Variants in SORBS2 observed in about 807,000 individuals in gnomAD.
SORBS2 encodes sorbin and SH3 domain-containing protein 2.
A neutral mutation model predicts 97.7 loss-of-function variants in SORBS2; 46 were observed. The observed-to-expected ratio is 0.47, with a 90% CI of 0.37 to 0.60. SORBS2 has a LOEUF of 0.60. Ranked by LOEUF, SORBS2 falls within the 20% of genes least tolerant of loss-of-function variation. The probability of loss-of-function intolerance (pLI) is 0.00; values close to 1 mark genes in which losing one functional copy is unlikely to be tolerated. For synonymous variants in SORBS2, 476 were observed against 473.4 expected (o/e 1.01, Z -0.07); for missense variants, 1,316 against 1,282.3 (o/e 1.03, Z -0.40).
intron 2 of SORBS2, among the ~76,000 whole-genome samples, chr4:185,769,769 C>T (rs1198669904): frequency 2.0e-5 from 3 of 152,160 alleles, no homozygotes; most frequent in Admixed American, 6.5e-5. Flanking sequence ...GGATTGTAGG[C>T]GTGAGCCACT....
Position 185,709,320 on chromosome 4 carries a change from T to TTTTTTTTTTTTTTTTTTTTTTTC in SORBS2, c.-197-30499_-197-30498insGAAAAAAAAAAAAAAAAAAAAAA, listed in dbSNP as rs1181008953. 1.1e-4 allele frequency among the ~76,000 whole-genome samples: 16 copies of TTTTTTTTTTTTTTTTTTTTTTTC among 140,974 alleles called. 2 individuals are homozygous for TTTTTTTTTTTTTTTTTTTTTTTC. The highest frequency in any genetic ancestry group is 4.2e-4 in the African/African-American group (16 of 37,722). 92.5% of individuals were successfully genotyped at this position (140,974 alleles called of 152,430 possible). On this transcript the variant is annotated intron_variant, in intron 2 of 20. Transcript: ENST00000284776. The stretch of plus-strand genomic sequence containing the variant: ...TGGCCAAATCTTTTTTTTTTTTTTT[T>TTTTTTTTTTTTTTTTTTTTTTTC]TTTTAGTAAAAGGAAACTAAAGTTA...
At chr4:185,769,965 T>TA (rs113489037) in intron 2 of SORBS2, among the ~76,000 whole-genome samples, 116,828 of 151,744 alleles carry the variant, frequency 0.77, 45,354 homozygotes, top group African/African-American at 0.85. Context: ...GTGTTTGGAG[T>TA]AAAGGGCACT....
In SORBS2 at chr4:185,853,601, T is replaced by C. The variant is rs1335720817; in HGVS notation, c.-337-78235A>G. On this transcript the variant is annotated intron_variant, in intron 1 of 20. Coordinates refer to the SORBS2 transcript ENST00000284776. ...GGGGAGAAATATGCAAACTTATTTTTAATGTGAGCTATAAGTGCAAACTTT... is the reference window on the plus strand; with the variant it reads ...GGGGAGAAATATGCAAACTTATTTTCAATGTGAGCTATAAGTGCAAACTTT... 9.9e-5 allele frequency among the ~76,000 whole-genome samples: 15 copies of C among 152,228 alleles called. 1 individual carries two copies. Among genetic ancestry groups the C allele is most frequent in the Admixed American group, 7.9e-4 (12 of 15,282 alleles).
intron 4 of SORBS2, among the ~76,000 whole-genome samples, chr4:185,670,017 T>G (rs563065004): frequency 4.6e-5 from 7 of 151,926 alleles, no homozygotes; most frequent in African/African-American, 9.7e-5. Flanking sequence ...TCAGGAGTTC[T>G]AGACCAGCCT....
intron 4 of SORBS2, among the ~76,000 whole-genome samples, chr4:185,642,861 G>A (rs2097148945): frequency 6.6e-6 from 1 of 152,188 alleles, no homozygotes; most frequent in Non-Finnish European, 1.5e-5. Flanking sequence ...ACCCCTCCAA[G>A]AATGTTTTGA....
intron 1 of SORBS2, among the ~76,000 whole-genome samples, chr4:185,867,518 A>T (rs558342462): frequency 6.6e-6 from 1 of 152,144 alleles, no homozygotes; most frequent in Admixed American, 6.5e-5. Context: ...TTTCATTTTC[A>T]TCTATAATAC....
chr4:185,722,967 T>C lies in SORBS2; in HGVS notation c.-197-44145A>G, dbSNP rs978861088. Among the ~76,000 whole-genome samples the C allele has an allele frequency of 8.5e-5, 13 of 152,274 alleles. No individual in the cohort carries two copies. In the East Asian group the frequency reaches 2.3e-3, roughly 27 times the overall value. On this transcript the variant is annotated intron_variant, in intron 2 of 20. Transcript: ENST00000284776. ...AAATTAATAAATCCCACAGCCGATC[T>C]GAGCTGTCACCCAACCCCAAAGGGC...
intron 1 of SORBS2, among the ~76,000 whole-genome samples, chr4:185,853,288 C>G (rs2099218947): frequency 6.6e-6 from 1 of 152,160 alleles, no homozygotes; most frequent in African/African-American, 2.4e-5. Flanking sequence ...AAAACCACTT[C>G]TACAATGTTT....
intron 1 of SORBS2, among the ~76,000 whole-genome samples, chr4:185,806,497 G>A (rs1370143400): frequency 1.5e-4 from 19 of 124,694 alleles, no homozygotes; most frequent in Non-Finnish European, 1.9e-4. Context: ...TCGCTCTGTC[G>A]CCCAGGCTGG....
At chr4:185,618,920 C>T (rs1172029700) in intron 8 of SORBS2, among the ~76,000 whole-genome samples, 2 of 152,114 alleles carry the variant, frequency 1.3e-5, no homozygotes, top group Admixed American at 1.3e-4. Context: ...GCATCCTAGG[C>T]ATCATTTTGG....
At chr4:185,887,997 T>C (rs1208813546) in intron 1 of SORBS2, among the ~76,000 whole-genome samples, 1 of 150,964 alleles carries the variant, frequency 6.6e-6, no homozygotes, top group Non-Finnish European at 1.5e-5. Flanking sequence ...TGTGTGTACA[T>C]TGAACTCATA....
chr4:185,688,653 G>C (rs2098028129), intron 2 of SORBS2, among the ~76,000 whole-genome samples: 1 of 151,984 alleles, frequency 6.6e-6, no homozygotes, highest in Non-Finnish European at 1.5e-5. Flanking sequence ...AGATAATGCA[G>C]GCCAGTTTTA....
intron 1 of SORBS2, chr4:185,810,741 TACTC>T (rs1438357341): frequency 1.3e-5 from 2 of 152,184 alleles, no homozygotes; most frequent in Admixed American, 6.5e-5. Flanking sequence ...ATCAAGGAAA[TACTC>T]ACTACCAGGC....
At chr4:185,722,359 T>A (rs1312824214) in intron 2 of SORBS2, among the ~76,000 whole-genome samples, 1 of 152,232 alleles carries the variant, frequency 6.6e-6, no homozygotes, top group Non-Finnish European at 1.5e-5. Flanking sequence ...CTATGATAAA[T>A]TATGTTAATT....
intron 1 of SORBS2, among the ~76,000 whole-genome samples, chr4:185,843,922 G>T (rs1458893635): frequency 6.6e-6 from 1 of 152,202 alleles, no homozygotes; most frequent in African/African-American, 2.4e-5. Flanking sequence ...AAGCAATGTT[G>T]AGAAAGAAGA....
chr4:185,694,746 G>A (rs951126889), intron 2 of SORBS2, among the ~76,000 whole-genome samples: 7 of 125,316 alleles, frequency 5.6e-5, no homozygotes, highest in East Asian at 2.8e-4. Context: ...TCACTCTGCC[G>A]CCCAGGCTAG....
chr4:185,757,184 C>T, intron 2 of SORBS2: 1 of 352,346 alleles, frequency 2.8e-6, no homozygotes, highest in Non-Finnish European at 5.3e-6. Context: ...TAGTCCACTT[C>T]TTTGGATCTC....
chr4:185,918,805 G>C (rs2149911579), intron 1 of SORBS2, among the ~76,000 whole-genome samples: 1 of 152,306 alleles, frequency 6.6e-6, no homozygotes, highest in South Asian at 2.1e-4. Context: ...TGTGCTGAGA[G>C]CCTAATGAGT....
chr4:185,885,105 C>T (rs1365991312), intron 1 of SORBS2, among the ~76,000 whole-genome samples: 1 of 152,194 alleles, frequency 6.6e-6, no homozygotes, highest in African/African-American at 2.4e-5. Flanking sequence ...AAGGTGCAAT[C>T]CAGCAAAACT....
Sources: gnomAD v4.1 joint callset for allele counts (sites outside exome capture counted in the v4.1 genomes callset) on GRCh38, gnomAD v4.1.1 for gene constraint, MANE v1.5 for transcripts, NCBI Gene and HGNC (gene_info 2026-07-23, HGNC 2026-07-21) for gene names.